Variants in FITM1 observed in about 807,000 individuals in gnomAD.
FITM1 encodes fat storage-inducing transmembrane protein 1.
Under a neutral mutation model 22.2 loss-of-function variants are expected in FITM1, and 11 were observed. The ratio of observed to expected loss-of-function variants is 0.50; its 90% CI spans 0.31 to 0.82. The LOEUF (loss-of-function observed/expected upper bound fraction) is 0.82, where lower values mean the gene tolerates loss of function less well. Among genes scored for constraint, FITM1 ranks in the 40% least tolerant of loss-of-function variants. FITM1 has a pLI of 0.04. For missense variants in FITM1, 394 were observed against 386.4 expected, an observed-to-expected ratio of 1.02 and a Z score of -0.17; for synonymous variants, 164 against 174.0, an observed-to-expected ratio of 0.94 and a Z score of 0.45.
Position 24,131,495 on chromosome 14 carries a change from A to AG in FITM1, c.-62dup, listed in dbSNP as rs760463204. 44 of 1,439,808 alleles carry AG rather than the reference A, an allele frequency of 3.1e-5. No individual in the cohort carries two copies. The highest frequency in any genetic ancestry group is 1.7e-4 in the African/African-American group (12 of 71,108). 89.2% of individuals were successfully genotyped at this position (1,439,808 alleles called of 1,614,324 possible). ...CACCTGTCACTGCCTATCCTTGTCCAGGGGGGGCCCCATCAGCCCCTCCTC... is the reference window on the plus strand; with the variant it reads ...CACCTGTCACTGCCTATCCTTGTCCAGGGGGGGGCCCCATCAGCCCCTCCTC... On this transcript the variant is annotated 5_prime_UTR_variant, in exon 1 of 2. An upstream open reading frame in the 5' UTR loses its in-frame stop. Coordinates refer to ENST00000267426, the MANE Select transcript of FITM1 (RefSeq NM_203402.3).
At chr14:24,131,969 G>T in intron 1 of FITM1, 140 bp downstream of exon 1, 1 of 1,335,936 alleles carries the variant, frequency 7.5e-7, no homozygotes. Flanking sequence ...GAGGGGGAAG[G>T]GAACAGAGCC....
chr14:24,132,218 G>A lies in FITM1; in HGVS notation c.274G>A (p.Val92Met). 2 of 1,608,516 alleles carry A rather than the reference G, an allele frequency of 1.2e-6. No homozygotes were observed. Among genetic ancestry groups the A allele is most frequent in the African/African-American group, 1.3e-5 (1 of 74,544 alleles). The stretch of plus-strand genomic sequence containing the variant: ...TCCCTTCTTTGCCCACAGAAAATTT[G>A]TGAATTCAGCCTGGGGCTGGACATG... ...SHGNFFNIKFVNSAWGWTCTF... is the reference protein window; with the variant it reads ...SHGNFFNIKFMNSAWGWTCTF... Residue 92 changes from valine to methionine, a missense_variant, in exon 2 of 2, where the codon GTG (valine) becomes ATG (methionine). Physicochemically the swap from Val to Met is conservative, Grantham distance 21. Transcript: ENST00000267426.
At chr14:24,132,009 C>A in intron 1 of FITM1, 180 bp downstream of exon 1, 1 of 1,211,022 alleles carries the variant, frequency 8.3e-7, no homozygotes, top group Non-Finnish European at 1.1e-6. Context: ...GGGAACAGGA[C>A]TAAAGAGGAA....
At position 24,131,444 on chromosome 14, in the gene FITM1, A is replaced by C; in HGVS notation, c.-120A>C. The C allele has an allele frequency of 2.0e-6, 2 of 1,022,470 alleles. No homozygotes were observed. The highest frequency in any genetic ancestry group is 2.9e-6 in the Non-Finnish European group (2 of 678,106). The allele number at this position is 1,022,470 out of a possible 1,614,324, so 63.3% of individuals were successfully genotyped here. ...CCCTCTCCCCCACCTGCCAGCTGCC[A>C]ACAGGGCTCTGCCTTGTGTCTGCCA... On this transcript the variant is annotated 5_prime_UTR_variant, in exon 1 of 2. Transcript: ENST00000267426.
Position 24,132,667 on chromosome 14 carries a change from C to A in FITM1, c.723C>A (p.Ile241=). The change falls in exon 2 of 2, where the codon ATC becomes ATA. Residue 241 remains isoleucine (I), a synonymous_variant. Coordinates refer to ENST00000267426, the MANE Select transcript of FITM1 (RefSeq NM_203402.3). The part of the protein sequence containing the change: ...LWNFLLLCTV[I]YFHQYTHKVV... ...ACTTCTTGCTGCTCTGTACCGTCAT[C>A]TATTTCCACCAGTACACTCACAAGG... 6.2e-7 allele frequency: 1 copy of A among 1,613,976 alleles called. No individual in the cohort carries two copies. Among genetic ancestry groups the A allele is most frequent in the South Asian group, 1.1e-5 (1 of 91,090 alleles).
chr14:24,132,301 A>G lies in FITM1; in HGVS notation c.357A>G (p.Ala119=). ...LVVFLATRRV[A]VTARHLSRLV... ...TGTTCCTGGCTACACGGCGCGTGGCAGTAACTGCCAGACACCTGAGCCGAC... is the reference window on the plus strand; with the variant it reads ...TGTTCCTGGCTACACGGCGCGTGGCGGTAACTGCCAGACACCTGAGCCGAC... The change falls in exon 2 of 2, where the codon GCA becomes GCG. Residue 119 remains alanine, a synonymous_variant. Transcript: ENST00000267426. 6.2e-7 allele frequency: 1 copy of G among 1,613,980 alleles called. No homozygotes were observed. Among genetic ancestry groups the G allele is most frequent in the South Asian group, 1.1e-5 (1 of 91,082 alleles).
rs759036896 is a variant in FITM1, at chr14:24,132,233, G to A, written c.289G>A (p.Gly97Ser). Reference sequence around the variant, plus strand: ...CAGAAAATTTGTGAATTCAGCCTGGGGCTGGACATGCACTTTCTTAGGGGG... The same window carrying A: ...CAGAAAATTTGTGAATTCAGCCTGGAGCTGGACATGCACTTTCTTAGGGGG... ...FNIKFVNSAW[G>S]WTCTFLGGFV... Residue 97 changes from glycine (G) to serine (S), a missense_variant, in exon 2 of 2, where the codon GGC becomes AGC. Physicochemically the swap from Gly to Ser is moderately conservative, Grantham distance 56 (BLOSUM62 0). Coordinates refer to ENST00000267426, the MANE Select transcript of FITM1 (RefSeq NM_203402.3). The A allele has an allele frequency of 6.2e-7, 1 of 1,612,070 alleles. No individual in the cohort carries two copies. The highest frequency in any genetic ancestry group is 8.5e-7 in the Non-Finnish European group (1 of 1,179,454).
chr14:24,131,785 C>G lies in FITM1; in HGVS notation c.222C>G (p.Val74=). The stretch of plus-strand genomic sequence containing the variant: ...TTGGGCCGCTTCTGCAGTTCCATGT[C>G]AACCCTCGGACTATCTTCGCCAGCC... ...VIFGPLLQFH[V]NPRTIFASHG... is the part of the protein sequence containing the mutation. The change falls in exon 1 of 2, where the codon GTC becomes GTG. Residue 74 remains valine (V), a synonymous_variant. Coordinates refer to ENST00000267426, the MANE Select transcript of FITM1 (RefSeq NM_203402.3). The G allele has an allele frequency of 6.2e-7, 1 of 1,611,216 alleles. No homozygotes were observed. Among genetic ancestry groups the G allele is most frequent in the East Asian group, 2.2e-5 (1 of 44,864 alleles).
Position 24,132,434 on chromosome 14 carries a change from G to C in FITM1, c.490G>C (p.Glu164Gln), listed in dbSNP as rs750767264. Residue 164 changes from glutamate (E) to glutamine (Q), a missense_variant, in exon 2 of 2, where the codon GAG becomes CAG. By Grantham distance (29) the Glu-to-Gln change is conservative. Coordinates refer to ENST00000267426, the MANE Select transcript of FITM1 (RefSeq NM_203402.3). ...EPLPQGLLLHELPDRRSCLAA... is the reference protein window; with the variant it reads ...EPLPQGLLLHQLPDRRSCLAA... ...ACTGCCCCAGGGTCTGCTGCTCCAC[G>C]AGCTGCCTGACCGCCGCAGCTGCCT... The C allele has an allele frequency of 1.2e-6, 2 of 1,607,782 alleles. No individual in the cohort carries two copies. Among genetic ancestry groups the C allele is most frequent in the Non-Finnish European group, 1.7e-6 (2 of 1,179,914 alleles).
In FITM1 at chr14:24,132,806, A is replaced by G; in HGVS notation, c.862A>G (p.Ser288Gly). ...GHGLFPRPHSSRKHN is the reference protein window; with the variant it reads ...GHGLFPRPHSGRKHN ...TGGGCTCTTCCCCCGTCCCCACTCC[A>G]GCCGCAAGCATAACTGAAAGAAATA... The change falls in exon 2 of 2, where the codon AGC becomes GGC. Residue 288 changes from serine to glycine, a missense_variant. Physicochemically the swap from Ser to Gly is moderately conservative, Grantham distance 56. Coordinates refer to ENST00000267426, the MANE Select transcript of FITM1 (RefSeq NM_203402.3). The G allele has an allele frequency of 6.2e-7, 1 of 1,609,558 alleles. No homozygotes were observed.
chr14:24,132,737 G>T lies in FITM1; in HGVS notation c.793G>T (p.Gly265Cys), dbSNP rs1350337128. The change falls in exon 2 of 2, where the codon GGC becomes TGC. Residue 265 changes from glycine (G) to cysteine (C), a missense_variant. By Grantham distance (159) the Gly-to-Cys change is radical. Transcript: ENST00000267426. The part of the protein sequence containing the change: ...VGTFAWYLTY[G>C]SWYHQPWSPG... ...CACCTTTGCCTGGTACCTCACCTAT[G>T]GCAGCTGGTATCATCAGCCCTGGTC... 6.2e-7 allele frequency: 1 copy of T among 1,613,710 alleles called. No individual in the cohort carries two copies. Among genetic ancestry groups the T allele is most frequent in the Non-Finnish European group, 8.5e-7 (1 of 1,179,976 alleles).
Position 24,132,289 on chromosome 14 carries a change from A to G in FITM1, c.345A>G (p.Thr115=). The G allele has an allele frequency of 1.2e-6, 2 of 1,613,794 alleles. No individual in the cohort carries two copies. Among genetic ancestry groups the G allele is most frequent in the Non-Finnish European group, 1.7e-6 (2 of 1,179,882 alleles). ...TGTTGCTGGTGGTGTTCCTGGCTAC[A>G]CGGCGCGTGGCAGTAACTGCCAGAC... is the stretch of plus-strand genomic sequence containing the variant. ...GFVLLVVFLA[T]RRVAVTARHL... Residue 115 remains threonine (T), a synonymous_variant, in exon 2 of 2, where the codon ACA becomes ACG. Transcript: ENST00000267426.
At position 24,132,466 on chromosome 14, in the gene FITM1, C is replaced by G. The variant is rs757142446; in HGVS notation, c.522C>G (p.Ala174=). ...ELPDRRSCLA[A]GHQWRGYTVS... ...CTGACCGCCGCAGCTGCCTGGCAGC[C>G]GGCCACCAGTGGCGAGGCTACACCG... The change falls in exon 2 of 2, where the codon GCC becomes GCG. Residue 174 remains alanine, a synonymous_variant. Transcript: ENST00000267426. 9 of 1,605,128 alleles carry G rather than the reference C, an allele frequency of 5.6e-6. No homozygotes were observed. Among genetic ancestry groups the G allele is most frequent in the East Asian group, 2.2e-5 (1 of 44,896 alleles).
At chr14:24,131,854 G>T in intron 1 of FITM1, 25 bp downstream of exon 1, 1 of 1,550,600 alleles carries the variant, frequency 6.4e-7, no homozygotes, top group Non-Finnish European at 8.7e-7. Context: ...GGCTGTGGGA[G>T]CCGGGTCCCT....
chr14:24,132,404 G>A lies in FITM1; in HGVS notation c.460G>A (p.Glu154Lys), dbSNP rs775040958. Residue 154 changes from glutamate to lysine, a missense_variant, in exon 2 of 2, where the codon GAG becomes AAG. By Grantham distance (56) the Glu-to-Lys change is moderately conservative (BLOSUM62 1). Transcript: ENST00000267426. The stretch of plus-strand genomic sequence containing the variant: ...CGAGGACCTGACTGGCTCCTGCTTC[G>A]AGCCACTGCCCCAGGGTCTGCTGCT... ...LIEDLTGSCF[E>K]PLPQGLLLHE... The A allele has an allele frequency of 1.3e-5, 21 of 1,610,992 alleles. No homozygotes were observed. Among genetic ancestry groups the A allele is most frequent in the Non-Finnish European group, 1.5e-5 (18 of 1,179,966 alleles).
In FITM1 at chr14:24,132,634, C is replaced by G; in HGVS notation, c.690C>G (p.Gly230=). 1 of 1,613,350 alleles carries G rather than the reference C, an allele frequency of 6.2e-7. No individual in the cohort carries two copies. Among genetic ancestry groups the G allele is most frequent in the South Asian group, 1.1e-5 (1 of 91,090 alleles). The change falls in exon 2 of 2, where the codon GGC becomes GGG. Residue 230 remains glycine (G), a synonymous_variant. Transcript: ENST00000267426. ...LVFLLNVLLL[G]LWNFLLLCTV... Reference sequence around the variant, plus strand: ...TCCTGCTGAACGTGCTGCTGCTGGGCCTCTGGAACTTCTTGCTGCTCTGTA... The same window carrying G: ...TCCTGCTGAACGTGCTGCTGCTGGGGCTCTGGAACTTCTTGCTGCTCTGTA...
rs117284518 is a variant in FITM1, at chr14:24,132,556, C to T, written c.612C>T (p.Phe204=). The T allele has an allele frequency of 1.2e-4, 188 of 1,606,576 alleles. No homozygotes were observed. Among genetic ancestry groups the T allele is most frequent in the Non-Finnish European group, 1.6e-4 (185 of 1,180,000 alleles). ...TCATGGCAGAGGAAGCAGCTGTGTTCGCCAAGTACCTGGCCCATGGGCTTC... is the reference window on the plus strand; with the variant it reads ...TCATGGCAGAGGAAGCAGCTGTGTTTGCCAAGTACCTGGCCCATGGGCTTC... ...CLLMAEEAAV[F]AKYLAHGLPA... is the part of the protein sequence containing the mutation. Residue 204 remains phenylalanine (F), a synonymous_variant, in exon 2 of 2, where the codon TTC becomes TTT. Transcript: ENST00000267426.
At position 24,132,752 on chromosome 14, in the gene FITM1, C is replaced by CAGCCCTGGTCTCCAGGG; in HGVS notation, c.814_830dup (p.His279LeufsTer?). ...CCTCACCTATGGCAGCTGGTATCATCAGCCCTGGTCTCCAGGGAGCCCAGG... is the reference window on the plus strand; with the variant it reads ...CCTCACCTATGGCAGCTGGTATCATCAGCCCTGGTCTCCAGGGAGCCCTGGTCTCCAGGGAGCCCAGG... On this transcript the variant is annotated frameshift_variant, in exon 2 of 2. Coordinates refer to ENST00000267426, the MANE Select transcript of FITM1 (RefSeq NM_203402.3). LOFTEE classifies it high-confidence loss of function. 6.2e-7 allele frequency: 1 copy of CAGCCCTGGTCTCCAGGG among 1,613,596 alleles called. No individual in the cohort carries two copies. Among genetic ancestry groups the CAGCCCTGGTCTCCAGGG allele is most frequent in the Non-Finnish European group, 8.5e-7 (1 of 1,179,910 alleles).
Position 24,131,502 on chromosome 14 carries a change from G to GC in FITM1, c.-58dup. 1 of 1,494,914 alleles carries GC rather than the reference G, an allele frequency of 6.7e-7. No individual in the cohort carries two copies. The highest frequency in any genetic ancestry group is 2.5e-5 in the East Asian group (1 of 40,768). The allele number at this position is 1,494,914 out of a possible 1,614,324, so 92.6% of individuals were successfully genotyped here. ...CACTGCCTATCCTTGTCCAGGGGGG[G>GC]CCCCATCAGCCCCTCCTCAGCTGCC... On this transcript the variant is annotated 5_prime_UTR_variant, in exon 1 of 2. The change abolishes the stop of an existing upstream ORF in the 5' untranslated region. Transcript: ENST00000267426.
Sources: allele counts gnomAD v4.1 joint callset, GRCh38; gene constraint gnomAD v4.1.1; transcripts MANE v1.5; gene names NCBI Gene and HGNC (gene_info 2026-07-23, HGNC 2026-07-21).